The following AGO4 variants were observed in gnomAD, a reference collection of about 807,000 sequenced individuals.
AGO4 encodes the protein protein argonaute-4.
AGO4 carries 33 observed loss-of-function variants against 104.7 expected under a neutral mutation model. The observed-to-expected ratio is 0.32, with a 90% CI of 0.24 to 0.42. The LOEUF (loss-of-function observed/expected upper bound fraction) is 0.42, where lower values mean the gene tolerates loss of function less well. AGO4 is among the 10% of genes least tolerant of loss of function. The pLI is 1.00. For missense variants in AGO4, 711 were observed against 1,083.4 expected (o/e 0.66, Z 4.83); for synonymous variants, 331 against 364.7 (o/e 0.91, Z 1.05).
At chr1:35,845,869 C>T (rs1175412748) in intron 15 of AGO4, among the ~76,000 whole-genome samples, 1 of 152,194 alleles carries the variant, frequency 6.6e-6, no homozygotes, top group East Asian at 1.9e-4. Context: ...GCAGCTGTGA[C>T]CCTGCTGTCC....
intron 15 of AGO4, among the ~76,000 whole-genome samples, chr1:35,847,292 G>A (rs992980973): frequency 1.1e-4 from 17 of 150,414 alleles, no homozygotes; most frequent in African/African-American, 4.2e-4. Flanking sequence ...GGAGTGCAAT[G>A]GCTCAGTCTC....
At position 35,857,808 on chromosome 1, in the gene AGO4, G is replaced by T. The variant is rs923003307; in HGVS notation, c.*4203G>T. ...AAAACTTTGTGTTTTTAACTCTTGG[G>T]TCTCCCTATTTTTAAAAATTGCTAT... On this transcript the variant is annotated 3_prime_UTR_variant, in exon 18 of 18. Coordinates refer to ENST00000373210, the MANE Select transcript of AGO4 (RefSeq NM_017629.4). The T allele has an allele frequency of 2.6e-5, 4 of 152,190 alleles. No homozygotes were observed. The highest frequency in any genetic ancestry group is 9.6e-5 in the African/African-American group (4 of 41,522). 9.4% of individuals were successfully genotyped at this position (152,190 alleles called of 1,614,324 possible). A position where few individuals can be genotyped will look rare whatever the true frequency, so the allele number is the denominator to read the frequency against.
chr1:35,817,040 G>C lies in AGO4; in HGVS notation c.178G>C (p.Val60Leu), dbSNP rs368029178. The C allele has an allele frequency of 2.5e-6, 4 of 1,603,626 alleles. No homozygotes were observed. In the African/African-American group the frequency reaches 4.0e-5, roughly 16 times the overall value. ...DIKPEKRPRR[V>L]NREVVDTMVR... Reference sequence around the variant, plus strand: ...TAAGCCTGAAAAACGGCCTCGTAGAGTCAACAGGTAAGGATTAGAAACAGT... The same window carrying C: ...TAAGCCTGAAAAACGGCCTCGTAGACTCAACAGGTAAGGATTAGAAACAGT... The change falls in exon 2 of 18, where the codon GTC (valine) becomes CTC (leucine). Residue 60 changes from valine to leucine, a missense_variant. Val to Leu is a conservative substitution (Grantham distance 32). Transcript: ENST00000373210.
chr1:35,827,210 T>TAATA (rs1246185389), intron 7 of AGO4, among the ~76,000 whole-genome samples: 7 of 149,412 alleles, frequency 4.7e-5, no homozygotes, highest in Admixed American at 3.3e-4. Context: ...CAAAAAAAAT[T>TAATA]AATAAATAAA....
chr1:35,853,684 C>T lies in AGO4; in HGVS notation c.*79C>T, dbSNP rs1571319151. 1.5e-5 allele frequency: 18 copies of T among 1,227,732 alleles called. No individual in the cohort carries two copies. The highest frequency in any genetic ancestry group is 1.8e-5 in the Non-Finnish European group (15 of 850,756). The allele number at this position is 1,227,732 out of a possible 1,614,324, so 76.1% of individuals were successfully genotyped here. A position where few individuals can be genotyped will look rare whatever the true frequency, so the allele number is the denominator to read the frequency against. ...TTTCAAATGCCTACCGCCTCTAGATCGAGCCACGTTGACTTCAGGTGGTCT... is the reference window on the plus strand; with the variant it reads ...TTTCAAATGCCTACCGCCTCTAGATTGAGCCACGTTGACTTCAGGTGGTCT... On this transcript the variant is annotated 3_prime_UTR_variant, in exon 18 of 18. Transcript: ENST00000373210.
At chr1:35,851,905 G>C (rs1211280824) in intron 17 of AGO4, among the ~76,000 whole-genome samples, 1 of 152,182 alleles carries the variant, frequency 6.6e-6, no homozygotes, top group Admixed American at 6.5e-5. Flanking sequence ...TTATGTTTCA[G>C]TATGGGAGAC....
intron 13 of AGO4, among the ~76,000 whole-genome samples, chr1:35,837,947 A>G (rs1290275997): frequency 6.6e-6 from 1 of 151,946 alleles, no homozygotes; most frequent in Non-Finnish European, 1.5e-5. Context: ...CAGTGGGGCA[A>G]TCATGACTCA....
At chr1:35,826,515 A>C (rs1644024071) in intron 6 of AGO4, among the ~76,000 whole-genome samples, 1 of 152,228 alleles carries the variant, frequency 6.6e-6, no homozygotes, top group Admixed American at 6.5e-5. Flanking sequence ...GATGCTTAAT[A>C]AATATTTATT....
intron 1 of AGO4, among the ~76,000 whole-genome samples, chr1:35,813,408 C>CAAAAAAAAA: frequency 8.6e-6 from 1 of 116,208 alleles, no homozygotes. Context: ...GACTCCATCT[C>CAAAAAAAAA]AAAAAAAAAA....
chr1:35,848,640 T>G (rs1480852947), intron 15 of AGO4, among the ~76,000 whole-genome samples: 3 of 152,100 alleles, frequency 2.0e-5, no homozygotes, highest in Admixed American at 6.5e-5. Context: ...CCAGAGAGTT[T>G]TTTTTTTTTT....
At chr1:35,839,301 C>T (rs147296341) in intron 13 of AGO4, among the ~76,000 whole-genome samples, 268 of 152,246 alleles carry the variant, frequency 1.8e-3, no homozygotes, top group African/African-American at 5.5e-3. Context: ...CCTCCTTAAA[C>T]ATTAGTGATG....
intron 13 of AGO4, 26 bp downstream of exon 13, chr1:35,836,019 TTTTG>T (rs758064744): frequency 6.2e-7 from 1 of 1,603,242 alleles, no homozygotes; most frequent in Non-Finnish European, 8.5e-7. Context: ...CTTTCCCCAC[TTTTG>T]TTTAAGATCT....
chr1:35,850,938 C>T lies in AGO4; in HGVS notation c.2362C>T (p.Leu788=). ...TGAACTCCAGCTACTGACTTACCAG[C>T]TGTGTCACACCTATGTGAGGTGCAC... ...ADELQLLTYQ[L]CHTYVRCTRS... Residue 788 remains leucine (L), a synonymous_variant, in exon 17 of 18, where the codon CTG becomes TTG. Coordinates refer to ENST00000373210, the MANE Select transcript of AGO4 (RefSeq NM_017629.4). 6.2e-7 allele frequency: 1 copy of T among 1,614,140 alleles called. No individual in the cohort carries two copies. The highest frequency in any genetic ancestry group is 8.5e-7 in the Non-Finnish European group (1 of 1,180,020).
intron 7 of AGO4, among the ~76,000 whole-genome samples, chr1:35,828,541 CAG>C (rs1280418794): frequency 6.6e-6 from 1 of 150,794 alleles, no homozygotes; most frequent in African/African-American, 2.4e-5. Context: ...TTTTTTGAGA[CAG>C]AGTTTAGCTC....
At chr1:35,821,591 G>A (rs1223219104) in intron 2 of AGO4, among the ~76,000 whole-genome samples, 1 of 152,144 alleles carries the variant, frequency 6.6e-6, no homozygotes, top group Non-Finnish European at 1.5e-5. Context: ...GAACACTTAA[G>A]TAAAGTTCTG....
intron 1 of AGO4, among the ~76,000 whole-genome samples, chr1:35,813,756 GAAA>G (rs1388499166): frequency 4.8e-5 from 7 of 146,342 alleles, no homozygotes; most frequent in Middle Eastern, 3.4e-3. Flanking sequence ...CTCAAAAAAA[GAAA>G]AAAAGAAGAA....
At chr1:35,842,725 C>T (rs550450567) in intron 15 of AGO4, among the ~76,000 whole-genome samples, 1 of 152,158 alleles carries the variant, frequency 6.6e-6, no homozygotes, top group South Asian at 2.1e-4. Context: ...TCGCTTGAAC[C>T]CAGGAGCCAG....
intron 11 of AGO4, 30 bp downstream of exon 11, chr1:35,832,600 A>G (rs751264835): frequency 1.2e-6 from 2 of 1,608,690 alleles, no homozygotes; most frequent in Non-Finnish European, 8.5e-7. Context: ...CAGCTTAGTA[A>G]TATCCCTTCC....
chr1:35,835,741 G>T, intron 12 of AGO4, 93 bp from the exon 13 acceptor site: 1 of 1,085,206 alleles, frequency 9.2e-7, no homozygotes, highest in South Asian at 1.7e-5. Context: ...TATATAGTAG[G>T]TTATAAAGTT....
Sources: allele counts gnomAD v4.1 joint callset (sites outside exome capture counted in the v4.1 genomes callset), GRCh38; gene constraint gnomAD v4.1.1; transcripts MANE v1.5; gene names NCBI Gene and HGNC (gene_info 2026-07-23, HGNC 2026-07-21).